NDEL1: variants seen among roughly 807,000 people sequenced by gnomAD.
NDEL1 encodes nudE neurodevelopment protein 1 like 1, also known as nuclear distribution protein nudE-like 1.
NDEL1 carries 9 observed loss-of-function variants against 45.7 expected under a neutral mutation model. The ratio of observed to expected loss-of-function variants is 0.20; its 90% CI spans 0.12 to 0.34. The LOEUF (loss-of-function observed/expected upper bound fraction) is 0.34. Among genes scored for constraint, NDEL1 ranks in the 10% least tolerant of loss-of-function variants. NDEL1 has a pLI of 1.00. For missense variants in NDEL1, 306 were observed against 406.2 expected, an observed-to-expected ratio of 0.75 and a Z score of 2.12; for synonymous variants, 133 against 158.6, an observed-to-expected ratio of 0.84 and a Z score of 1.21.
chr17:8,415,122 CCCTCCTG>C lies in NDEL1; in HGVS notation c.-13+1858_-13+1864del, dbSNP rs1398993302. On this transcript the variant is annotated intron_variant, in intron 1 of 4. Transcript: ENST00000582812. ...TTTCTTCCTCCCTCCCTCCCTCCCT[CCCTCCTG>C]CCTCTTCTCTCTTTCTGTCTCTCTG... is the stretch of plus-strand genomic sequence containing the variant. Among the ~76,000 whole-genome samples the C allele has an allele frequency of 8.8e-5, 13 of 147,670 alleles. 1 individual carries two copies. Among genetic ancestry groups the C allele is most frequent in the Admixed American group, 2.0e-4 (3 of 14,854 alleles).
In NDEL1 at chr17:8,419,762, T is replaced by C. The variant is rs114989599; in HGVS notation, c.-13+6493T>C. On this transcript the variant is annotated intron_variant, in intron 1 of 4. Coordinates refer to the NDEL1 transcript ENST00000582812. ...TTCCAATTTAATGAATACAGACTCA[T>C]AGAGATTTTCTAGCACTTTCCATGT... Among the ~76,000 whole-genome samples the C allele has an allele frequency of 1.4e-3, 211 of 152,258 alleles. 2 individuals carry two copies. The highest frequency in any genetic ancestry group is 4.8e-3 in the African/African-American group (200 of 41,558).
intron 1 of NDEL1, among the ~76,000 whole-genome samples, chr17:8,419,303 C>T (rs1199646561): frequency 6.6e-6 from 1 of 151,990 alleles, no homozygotes; most frequent in African/African-American, 2.4e-5. Flanking sequence ...TACTGATAAA[C>T]ACAAAAAAGA....
intron 1 of NDEL1, among the ~76,000 whole-genome samples, chr17:8,442,755 T>C (rs1909824152): frequency 6.7e-6 from 1 of 148,762 alleles, no homozygotes; most frequent in Non-Finnish European, 1.5e-5. Context: ...GTTCTATGCA[T>C]CTCCAGGTTT....
upstream of NDEL1, among the ~76,000 whole-genome samples, chr17:8,434,234 TG>T: frequency 6.6e-6 from 1 of 152,140 alleles, no homozygotes; most frequent in Non-Finnish European, 1.5e-5. Context: ...TGTTTTGTTT[TG>T]TTTGTTTTTA....
At chr17:8,450,528 C>A (rs1401407931) in intron 5 of NDEL1, among the ~76,000 whole-genome samples, 2 of 152,152 alleles carry the variant, frequency 1.3e-5, no homozygotes, top group Admixed American at 1.3e-4. Flanking sequence ...GGACTCTGCA[C>A]TGTTTCTTTT....
chr17:8,429,034 A>G (rs534389215), intron 1 of NDEL1, among the ~76,000 whole-genome samples: 3 of 152,332 alleles, frequency 2.0e-5, no homozygotes, highest in African/African-American at 7.2e-5. Context: ...AGCAAAGGAT[A>G]TTGCATTAGG....
At chr17:8,443,148 G>A (rs1909870036) in intron 1 of NDEL1, among the ~76,000 whole-genome samples, 1 of 152,150 alleles carries the variant, frequency 6.6e-6, no homozygotes, top group African/African-American at 2.4e-5. Flanking sequence ...ATCAATTATG[G>A]TTTAATTCAG....
At chr17:8,426,233 A>G (rs1476492331) in intron 1 of NDEL1, among the ~76,000 whole-genome samples, 1 of 152,170 alleles carries the variant, frequency 6.6e-6, no homozygotes, top group African/African-American at 2.4e-5. Context: ...CTCATTAAAT[A>G]TTTGTTGAAT....
chr17:8,473,794 C>A (rs550414042), intron 3 of NDEL1, among the ~76,000 whole-genome samples: 1 of 152,204 alleles, frequency 6.6e-6, no homozygotes, highest in East Asian at 1.9e-4. Flanking sequence ...CTAGTTGGCC[C>A]GCACTAGAGA....
chr17:8,462,442 G>A (rs1184155119), intron 8 of NDEL1, among the ~76,000 whole-genome samples: 2 of 151,988 alleles, frequency 1.3e-5, no homozygotes, highest in Non-Finnish European at 2.9e-5. Flanking sequence ...GCTTTGCTTC[G>A]ATTCCGGCTT....
upstream of NDEL1, among the ~76,000 whole-genome samples, chr17:8,434,331 C>G (rs2151701646): frequency 6.6e-6 from 1 of 152,314 alleles, no homozygotes; most frequent in East Asian, 1.9e-4. Context: ...ATTCTCCTGC[C>G]TCAGCCTCCG....
At chr17:8,469,987 T>C (rs978783681), downstream of NDEL1, among the ~76,000 whole-genome samples, 21 of 150,698 alleles carry the variant, frequency 1.4e-4, no homozygotes, top group African/African-American at 5.1e-4. Context: ...GGATTACAGG[T>C]GTGGGCCACC....
At chr17:8,473,883 C>G (rs11650137) in intron 3 of NDEL1, among the ~76,000 whole-genome samples, 3 of 151,984 alleles carry the variant, frequency 2.0e-5, no homozygotes, top group East Asian at 1.9e-4. Flanking sequence ...CCTGAAATGT[C>G]CTGGACCCCT....
At chr17:8,457,318 G>A (rs79766700) in intron 7 of NDEL1, among the ~76,000 whole-genome samples, 316 of 152,258 alleles carry the variant, frequency 2.1e-3, no homozygotes, top group African/African-American at 7.1e-3. Flanking sequence ...AGTTCTGCCT[G>A]TTCCTCACCC....
chr17:8,415,920 TG>T (rs2012903799), intron 1 of NDEL1, among the ~76,000 whole-genome samples: 1 of 152,142 alleles, frequency 6.6e-6, no homozygotes, highest in African/African-American at 2.4e-5. Context: ...GCTACTTTTT[TG>T]TATTTTTAGT....
chr17:8,418,721 CTCTTTCCTTCCTTCCTTTGT>C (rs1424740633), intron 1 of NDEL1, among the ~76,000 whole-genome samples: 1 of 148,248 alleles, frequency 6.7e-6, no homozygotes, highest in East Asian at 2.0e-4. Flanking sequence ...CTCTCTCTCT[CTCTTTCCTTCCTTCCTTTGT>C]TCTTTCCTTC....
intron 1 of NDEL1, among the ~76,000 whole-genome samples, chr17:8,440,457 T>C (rs1909656123): frequency 6.6e-6 from 1 of 150,394 alleles, no homozygotes; most frequent in African/African-American, 2.5e-5. Flanking sequence ...GAGGTTGCAG[T>C]GAACTAGGAT....
At chr17:8,455,363 G>A (rs1302902069) in intron 7 of NDEL1, among the ~76,000 whole-genome samples, 1 of 152,144 alleles carries the variant, frequency 6.6e-6, no homozygotes. Flanking sequence ...CTTGGTGTGA[G>A]CCTTGTATTC....
At chr17:8,462,317 G>A (rs1911260324) in intron 8 of NDEL1, among the ~76,000 whole-genome samples, 1 of 152,152 alleles carries the variant, frequency 6.6e-6, no homozygotes, top group Non-Finnish European at 1.5e-5. Flanking sequence ...TATGATAAGT[G>A]GATTGTGTAT....
Sources: allele counts gnomAD v4.1 joint callset (sites outside exome capture counted in the v4.1 genomes callset), GRCh38; gene constraint gnomAD v4.1.1; transcripts MANE v1.5; gene names NCBI Gene and HGNC (gene_info 2026-07-23, HGNC 2026-07-21).